RHOBTB3: variants seen among roughly 807,000 people sequenced by gnomAD.
The protein encoded by RHOBTB3 is rho-related BTB domain-containing protein 3.
A neutral mutation model predicts 67.2 loss-of-function variants in RHOBTB3; 47 were observed. That is an observed-to-expected ratio of 0.70 (90% CI 0.55 to 0.89). RHOBTB3 has a LOEUF of 0.89. Ranked by LOEUF, RHOBTB3 falls within the 40% of genes least tolerant of loss-of-function variation. The probability of loss-of-function intolerance (pLI) is 0.00; values close to 1 mark genes in which losing one functional copy is unlikely to be tolerated. For missense variants in RHOBTB3, 631 were observed against 750.0 expected, an observed-to-expected ratio of 0.84 and a Z score of 1.85; for synonymous variants, 273 against 274.2, an observed-to-expected ratio of 1.00 and a Z score of 0.04.
intron 1 of RHOBTB3, among the ~76,000 whole-genome samples, chr5:95,723,506 G>C (rs1228546763): frequency 6.6e-6 from 1 of 152,174 alleles, no homozygotes; most frequent in East Asian, 1.9e-4. Flanking sequence ...ACTTTGCTTA[G>C]TTACTCTCAT....
rs1049168474 is a variant in RHOBTB3 at position 95,731,548 on chromosome 5, G to A, written c.-135G>A. The A allele has an allele frequency of 3.6e-5, 51 of 1,435,622 alleles. 1 individual carries two copies. The highest frequency in any genetic ancestry group is 8.9e-5 in the African/African-American group (6 of 67,168). The allele number at this position is 1,435,622 out of a possible 1,614,324, so 88.9% of individuals were successfully genotyped here. On this transcript the variant is annotated 5_prime_UTR_variant, in exon 1 of 12. Coordinates refer to ENST00000379982, the MANE Select transcript of RHOBTB3 (RefSeq NM_014899.4). ...CCCGGCCCCGCTCTGCGTCGGCCCCGCCGCGGTGGAGGCGCGCGAGGGGGA... is the reference window on the plus strand; with the variant it reads ...CCCGGCCCCGCTCTGCGTCGGCCCCACCGCGGTGGAGGCGCGCGAGGGGGA...
intron 6 of RHOBTB3, among the ~76,000 whole-genome samples, chr5:95,763,273 T>C (rs1745443241): frequency 1.3e-5 from 2 of 152,190 alleles, no homozygotes; most frequent in African/African-American, 4.8e-5. Context: ...TGCAGAGAGG[T>C]AGCAGCAGTC....
At chr5:95,752,576 A>G (rs755243261) in intron 5 of RHOBTB3, among the ~76,000 whole-genome samples, 1 of 152,206 alleles carries the variant, frequency 6.6e-6, no homozygotes, top group Non-Finnish European at 1.5e-5. Context: ...TGCTTTAAAA[A>G]TTGAGCCTAT....
At chr5:95,720,803 C>T (rs1007241509) in intron 1 of RHOBTB3, among the ~76,000 whole-genome samples, 1 of 152,094 alleles carries the variant, frequency 6.6e-6, no homozygotes, top group Non-Finnish European at 1.5e-5. Flanking sequence ...AGATTTTTGC[C>T]AATATGACAA....
At chr5:95,722,306 G>T (rs780574567) in intron 1 of RHOBTB3, among the ~76,000 whole-genome samples, 4 of 152,088 alleles carry the variant, frequency 2.6e-5, no homozygotes, top group Non-Finnish European at 4.4e-5. Context: ...ATTAGAGTTT[G>T]TTGGAAAGAA....
At chr5:95,760,854 A>G (rs944583487) in intron 6 of RHOBTB3, among the ~76,000 whole-genome samples, 28 of 152,242 alleles carry the variant, frequency 1.8e-4, no homozygotes, top group Non-Finnish European at 2.4e-4. Context: ...TGTTTTTACC[A>G]CTGGAAAAAT....
chr5:95,770,527 G>C, intron 8 of RHOBTB3: 1 of 360,974 alleles, frequency 2.8e-6, no homozygotes, highest in Admixed American at 2.7e-5. Flanking sequence ...CTATGGTTGG[G>C]GGTTTTGTGA....
intron 1 of RHOBTB3, among the ~76,000 whole-genome samples, chr5:95,723,931 A>G (rs1329854697): frequency 6.6e-6 from 1 of 152,216 alleles, no homozygotes; most frequent in African/African-American, 2.4e-5. Flanking sequence ...AATTACATGC[A>G]TATGTTACTA....
At chr5:95,731,278 GC>G (rs1755230848), upstream of RHOBTB3, 1 of 1,018,836 alleles carries the variant, frequency 9.8e-7, no homozygotes, top group African/African-American at 1.7e-5. Flanking sequence ...GGGGGCGGAG[GC>G]CCCGATCTCC....
intron 1 of RHOBTB3, among the ~76,000 whole-genome samples, chr5:95,720,286 C>A (rs1754829879): frequency 6.6e-6 from 1 of 152,104 alleles, no homozygotes; most frequent in Non-Finnish European, 1.5e-5. Context: ...CTCCCCATGA[C>A]ATTTCTAGCT....
intron 11 of RHOBTB3, among the ~76,000 whole-genome samples, chr5:95,791,232 GATGTC>G (rs1218720308): frequency 6.6e-6 from 1 of 152,128 alleles, no homozygotes. Flanking sequence ...GACTGGAAAA[GATGTC>G]ATGTCAGTAC....
chr5:95,761,898 A>G (rs189568722), intron 6 of RHOBTB3, among the ~76,000 whole-genome samples: 1 of 152,358 alleles, frequency 6.6e-6, no homozygotes, highest in Admixed American at 6.5e-5. Context: ...TACAATCCCA[A>G]GAATTTATGA....
chr5:95,778,813 T>A (rs1324878661), intron 8 of RHOBTB3, among the ~76,000 whole-genome samples: 1 of 152,240 alleles, frequency 6.6e-6, no homozygotes, highest in Non-Finnish European at 1.5e-5. Context: ...TGGAAACTGG[T>A]CCTTCCCGGT....
At chr5:95,739,217 C>T (rs1379748718) in intron 3 of RHOBTB3, among the ~76,000 whole-genome samples, 1 of 152,194 alleles carries the variant, frequency 6.6e-6, no homozygotes, top group East Asian at 1.9e-4. Context: ...TCATCCTAGA[C>T]CCAGCCCGAT....
At chr5:95,785,027 C>T (rs996801428) in intron 10 of RHOBTB3, among the ~76,000 whole-genome samples, 1 of 152,210 alleles carries the variant, frequency 6.6e-6, no homozygotes, top group Non-Finnish European at 1.5e-5. Context: ...TCAACTTTGA[C>T]GTCCAGGGTT....
chr5:95,783,258 A>T (rs1008890506), intron 9 of RHOBTB3, among the ~76,000 whole-genome samples: 1 of 151,742 alleles, frequency 6.6e-6, no homozygotes, highest in Non-Finnish European at 1.5e-5. Flanking sequence ...AGTAGCTGGG[A>T]CTACAGGCGC....
At chr5:95,733,462 G>T (rs548654864) in intron 2 of RHOBTB3, among the ~76,000 whole-genome samples, 2 of 152,184 alleles carry the variant, frequency 1.3e-5, no homozygotes, top group African/African-American at 2.4e-5. Flanking sequence ...TTGCTTTCCC[G>T]TATTTAATTT....
In RHOBTB3 at chr5:95,731,547, C is replaced by G; in HGVS notation, c.-136C>G. The G allele has an allele frequency of 7.0e-7, 1 of 1,436,864 alleles. No individual in the cohort carries two copies. The allele number at this position is 1,436,864 out of a possible 1,614,324, so 89.0% of individuals were successfully genotyped here. ...CCCCGGCCCCGCTCTGCGTCGGCCC[C>G]GCCGCGGTGGAGGCGCGCGAGGGGG... On this transcript the variant is annotated 5_prime_UTR_variant, in exon 1 of 12. Transcript: ENST00000379982.
At chr5:95,718,194 G>C (rs935578849) in intron 1 of RHOBTB3, among the ~76,000 whole-genome samples, 1 of 152,068 alleles carries the variant, frequency 6.6e-6, no homozygotes, top group Non-Finnish European at 1.5e-5. Flanking sequence ...GCTTCTAGCC[G>C]TATGGGGAAG....
Sources: gnomAD v4.1 joint callset for allele counts (sites outside exome capture counted in the v4.1 genomes callset) on GRCh38, gnomAD v4.1.1 for gene constraint, MANE v1.5 for transcripts, NCBI Gene and HGNC (gene_info 2026-07-23, HGNC 2026-07-21) for gene names.